The following PHACTR1 variants were observed in gnomAD, a reference collection of about 807,000 sequenced individuals.
PHACTR1 encodes the protein RPEL repeat containing 1.
PHACTR1 carries 16 observed loss-of-function variants against 69.2 expected under a neutral mutation model. The ratio of observed to expected loss-of-function variants is 0.23; its 90% CI spans 0.16 to 0.35. PHACTR1 has a LOEUF of 0.35. Among genes scored for constraint, PHACTR1 ranks in the 10% least tolerant of loss-of-function variants. The pLI is 1.00. For synonymous variants in PHACTR1, 312 were observed against 284.5 expected (o/e 1.10, Z -0.97); for missense variants, 510 against 734.7 (o/e 0.69, Z 3.54).
chr6:13,065,468 A>G (rs753462007), intron 5 of PHACTR1, among the ~76,000 whole-genome samples: 2 of 151,726 alleles, frequency 1.3e-5, no homozygotes, highest in African/African-American at 4.9e-5. Flanking sequence ...GGCATAGACA[A>G]CTCATCATTG....
intron 5 of PHACTR1, among the ~76,000 whole-genome samples, chr6:13,116,360 T>C (rs962179150): frequency 1.3e-5 from 2 of 152,228 alleles, no homozygotes; most frequent in African/African-American, 4.8e-5. Flanking sequence ...AATTATGAAG[T>C]GAGAGCAATG....
intron 5 of PHACTR1, among the ~76,000 whole-genome samples, chr6:13,134,268 C>T (rs1055082019): frequency 2.1e-4 from 32 of 150,586 alleles, no homozygotes; most frequent in African/African-American, 7.6e-4. Flanking sequence ...CGCCTCTGCC[C>T]GGCCGCCACC....
chr6:12,902,297 C>T (rs1182394643), intron 4 of PHACTR1, among the ~76,000 whole-genome samples: 7 of 152,178 alleles, frequency 4.6e-5, no homozygotes, highest in African/African-American at 1.7e-4. Context: ...GTGGCACGTA[C>T]CTGTAATATC....
chr6:12,804,500 TA>T (rs1318271883), intron 4 of PHACTR1, among the ~76,000 whole-genome samples: 1 of 152,230 alleles, frequency 6.6e-6, no homozygotes, highest in Non-Finnish European at 1.5e-5. Flanking sequence ...TTATTTGAAA[TA>T]TAAAACATTT....
At chr6:12,839,952 C>T (rs1313982496) in intron 4 of PHACTR1, among the ~76,000 whole-genome samples, 1 of 151,894 alleles carries the variant, frequency 6.6e-6, no homozygotes, top group Non-Finnish European at 1.5e-5. Context: ...GAGAGTACTC[C>T]CAGCACCAAT....
chr6:13,123,951 A>G (rs4097412), intron 5 of PHACTR1, among the ~76,000 whole-genome samples: 2,788 of 152,250 alleles, frequency 0.018, 105 homozygotes, highest in African/African-American at 0.063. Flanking sequence ...ACCCGAAGTC[A>G]GACAGCCCAA....
At chr6:13,234,221 AG>A (rs1383084370) in intron 10 of PHACTR1, among the ~76,000 whole-genome samples, 1 of 152,254 alleles carries the variant, frequency 6.6e-6, no homozygotes, top group Non-Finnish European at 1.5e-5. Context: ...ACTCTGGAGT[AG>A]AAGTTTGGGT....
intron 4 of PHACTR1, among the ~76,000 whole-genome samples, chr6:12,919,456 G>A (rs1012616234): frequency 5.9e-5 from 9 of 151,950 alleles, no homozygotes; most frequent in Admixed American, 5.9e-4. Flanking sequence ...AGACTTTTAA[G>A]GAAAAAAAGA....
intron 10 of PHACTR1, among the ~76,000 whole-genome samples, chr6:13,232,545 C>T (rs766249508): frequency 1.3e-5 from 2 of 152,188 alleles, no homozygotes; most frequent in Non-Finnish European, 2.9e-5. Flanking sequence ...CTCTAGAGAG[C>T]CTGTCCCATT....
intron 4 of PHACTR1, among the ~76,000 whole-genome samples, chr6:12,797,680 A>G (rs758257131): frequency 6.6e-6 from 1 of 151,814 alleles, no homozygotes; most frequent in Non-Finnish European, 1.5e-5. Flanking sequence ...TGCCACACCA[A>G]CCTATTCCTG....
chr6:13,147,318 C>T (rs1040989867), intron 5 of PHACTR1, among the ~76,000 whole-genome samples: 5 of 152,202 alleles, frequency 3.3e-5, no homozygotes, highest in African/African-American at 1.2e-4. Flanking sequence ...TAAGTTGTAA[C>T]ATAAATTTTC....
chr6:13,067,118 A>G (rs1359741332), intron 5 of PHACTR1, among the ~76,000 whole-genome samples: 1 of 152,206 alleles, frequency 6.6e-6, no homozygotes, highest in South Asian at 2.1e-4. Context: ...ACTGATGACA[A>G]CAGCAGGAGC....
intron 8 of PHACTR1, among the ~76,000 whole-genome samples, chr6:13,217,953 T>C (rs1251132727): frequency 6.6e-6 from 1 of 152,250 alleles, no homozygotes. Context: ...CTCTGAAAAC[T>C]CTCTTCATAA....
chr6:12,995,306 A>G (rs1057352741), intron 4 of PHACTR1, among the ~76,000 whole-genome samples: 1 of 152,000 alleles, frequency 6.6e-6, no homozygotes, highest in Non-Finnish European at 1.5e-5. Context: ...AAGAAAGAAT[A>G]GAACCCCATC....
At chr6:13,153,075 T>C (rs1415436389) in intron 5 of PHACTR1, among the ~76,000 whole-genome samples, 1 of 152,178 alleles carries the variant, frequency 6.6e-6, no homozygotes, top group Non-Finnish European at 1.5e-5. Flanking sequence ...AATAGATTCA[T>C]TTGGATGTGA....
At chr6:13,121,697 A>T (rs1192870838) in intron 5 of PHACTR1, among the ~76,000 whole-genome samples, 1 of 152,230 alleles carries the variant, frequency 6.6e-6, no homozygotes, top group Non-Finnish European at 1.5e-5. Flanking sequence ...TCTGGCAGCT[A>T]TATGAAGGCT....
chr6:13,193,358 T>TATATAA (rs1491437362), intron 7 of PHACTR1, among the ~76,000 whole-genome samples: 2 of 25,120 alleles, frequency 8.0e-5, no homozygotes, highest in Non-Finnish European at 1.2e-4. Context: ...GCTCTCTGTG[T>TATATAA]ATATATATAT....
chr6:12,762,639 C>G (rs994462797), intron 4 of PHACTR1, among the ~76,000 whole-genome samples: 19 of 151,972 alleles, frequency 1.3e-4, no homozygotes, highest in African/African-American at 4.6e-4. Flanking sequence ...AAAGATGGTC[C>G]CTACACCCCA....
At chr6:13,267,900 G>C (rs1450695557) in intron 10 of PHACTR1, 1 of 139,226 alleles carries the variant, frequency 7.2e-6, no homozygotes, top group Admixed American at 7.1e-5. Flanking sequence ...GTGCTCACCT[G>C]TATTACATAA....
Sources: allele counts gnomAD v4.1 joint callset (sites outside exome capture counted in the v4.1 genomes callset), GRCh38; gene constraint gnomAD v4.1.1; transcripts MANE v1.5; gene names NCBI Gene and HGNC (gene_info 2026-07-23, HGNC 2026-07-21).